The following CCDC102B variants were observed in gnomAD, a reference collection of about 807,000 sequenced individuals.
The protein encoded by CCDC102B is coiled-coil domain-containing protein 102B.
A neutral mutation model predicts 57.4 loss-of-function variants in CCDC102B; 75 were observed. That is an observed-to-expected ratio of 1.31 (90% confidence interval 1.08 to 1.58). CCDC102B has a LOEUF of 1.58. CCDC102B is among the 40% of genes most tolerant of loss of function. CCDC102B has a pLI of 0.00. For missense variants in CCDC102B, 636 were observed against 582.6 expected, an observed-to-expected ratio of 1.09 and a Z score of -0.94; for synonymous variants, 206 against 201.9, an observed-to-expected ratio of 1.02 and a Z score of -0.17.
intron 2 of CCDC102B, among the ~76,000 whole-genome samples, chr18:68,735,624 G>A (rs1173476409): frequency 2.6e-5 from 4 of 152,144 alleles, no homozygotes; most frequent in Middle Eastern, 3.4e-3. Flanking sequence ...TGGCCCAAAG[G>A]CAAATCTGGC....
chr18:68,748,683 A>G (rs763408738), intron 2 of CCDC102B, among the ~76,000 whole-genome samples: 1 of 152,168 alleles, frequency 6.6e-6, no homozygotes, highest in Non-Finnish European at 1.5e-5. Context: ...CTGTTTTACA[A>G]GCTATTTAAT....
chr18:69,032,352 T>A (rs2052169472), intron 7 of CCDC102B, among the ~76,000 whole-genome samples: 1 of 152,196 alleles, frequency 6.6e-6, no homozygotes, highest in African/African-American at 2.4e-5. Flanking sequence ...CATGTGATGA[T>A]CAGATACAAG....
At chr18:68,724,826 GT>G (rs1239024822) in intron 2 of CCDC102B, among the ~76,000 whole-genome samples, 1 of 152,126 alleles carries the variant, frequency 6.6e-6, no homozygotes, top group Non-Finnish European at 1.5e-5. Context: ...CTGTTACCCA[GT>G]TCCAATGTCG....
intron 6 of CCDC102B, among the ~76,000 whole-genome samples, chr18:68,950,963 A>T (rs1042850366): frequency 9.2e-5 from 14 of 152,190 alleles, no homozygotes; most frequent in African/African-American, 3.4e-4. Context: ...ATCATCATAA[A>T]GTGAAGATTC....
intron 6 of CCDC102B, among the ~76,000 whole-genome samples, chr18:68,964,098 T>A (rs1234082671): frequency 6.6e-6 from 1 of 151,946 alleles, no homozygotes; most frequent in Non-Finnish European, 1.5e-5. Context: ...ACTTATTACA[T>A]AACCACAAAT....
intron 2 of CCDC102B, among the ~76,000 whole-genome samples, chr18:68,781,608 A>C (rs2035010449): frequency 6.6e-6 from 1 of 152,182 alleles, no homozygotes; most frequent in Non-Finnish European, 1.5e-5. Flanking sequence ...TCTTAAACAA[A>C]AGTTCTCCAT....
intron 2 of CCDC102B, among the ~76,000 whole-genome samples, chr18:68,790,938 AT>A (rs1446216405): frequency 6.6e-6 from 1 of 152,248 alleles, no homozygotes; most frequent in Non-Finnish European, 1.5e-5. Context: ...AGGAAATGAC[AT>A]TTTTTGAATT....
rs147698532 is a variant in CCDC102B at position 68,942,736 on chromosome 18, A to T, written c.1263+45308A>T. ...GAGACATTCCATTGCCCAGTCGACA[A>T]GCAGGAGACAGATGCCTTCCTCTTA... is the stretch of plus-strand genomic sequence containing the variant. On this transcript the variant is annotated intron_variant, in intron 6 of 7. Coordinates refer to ENST00000360242, the MANE Select transcript of CCDC102B (RefSeq NM_024781.3). 2.0e-3 allele frequency among the ~76,000 whole-genome samples: 299 copies of T among 152,084 alleles called. 1 individual carries two copies. Among genetic ancestry groups the T allele is most frequent in the African/African-American group, 7.0e-3 (289 of 41,514 alleles).
chr18:68,736,751 C>T (rs1339451345), intron 2 of CCDC102B, among the ~76,000 whole-genome samples: 4 of 152,036 alleles, frequency 2.6e-5, no homozygotes, highest in Non-Finnish European at 4.4e-5. Flanking sequence ...TAGAATAGCA[C>T]GGGAAAGACC....
At chr18:68,960,436 G>A (rs1231395463) in intron 6 of CCDC102B, among the ~76,000 whole-genome samples, 2 of 152,148 alleles carry the variant, frequency 1.3e-5, no homozygotes, top group Non-Finnish European at 2.9e-5. Context: ...CAAGAGGGAA[G>A]GAGTGTCTCC....
At chr18:68,938,301 AGT>A (rs1187970692) in intron 6 of CCDC102B, among the ~76,000 whole-genome samples, 1 of 152,086 alleles carries the variant, frequency 6.6e-6, no homozygotes, top group East Asian at 1.9e-4. Context: ...ACATATTCAA[AGT>A]GTATTTTATA....
At chr18:69,021,141 C>T (rs541038763) in intron 7 of CCDC102B, among the ~76,000 whole-genome samples, 6 of 152,230 alleles carry the variant, frequency 3.9e-5, no homozygotes, top group African/African-American at 1.2e-4. Flanking sequence ...ATGTGAGAGA[C>T]GTTTTGTTTA....
At chr18:68,978,583 A>T (rs932681313) in intron 6 of CCDC102B, among the ~76,000 whole-genome samples, 1 of 152,032 alleles carries the variant, frequency 6.6e-6, no homozygotes, top group African/African-American at 2.4e-5. Context: ...AAAAGGAAAC[A>T]ATCGTAAACA....
intron 2 of CCDC102B, among the ~76,000 whole-genome samples, chr18:68,743,963 AT>A (rs1568228299): frequency 6.6e-6 from 1 of 152,124 alleles, no homozygotes; most frequent in Admixed American, 6.5e-5. Context: ...AGACATTTTT[AT>A]TTTGGATTTA....
At chr18:69,011,601 C>T (rs1299288751) in intron 7 of CCDC102B, among the ~76,000 whole-genome samples, 4 of 151,624 alleles carry the variant, frequency 2.6e-5, no homozygotes, top group African/African-American at 4.8e-5. Context: ...ATAGATATCT[C>T]GGTGTAATAT....
intron 2 of CCDC102B, among the ~76,000 whole-genome samples, chr18:68,717,096 T>C (rs79546616): frequency 6.7e-6 from 1 of 149,676 alleles, no homozygotes; most frequent in Non-Finnish European, 1.5e-5. Context: ...AAAAAAAAAT[T>C]AGCCAGATGT....
chr18:68,989,601 A>T lies in CCDC102B; in HGVS notation c.1264-21333A>T, dbSNP rs559112474. 7.9e-5 allele frequency among the ~76,000 whole-genome samples: 12 copies of T among 152,340 alleles called. No individual in the cohort carries two copies. The South Asian group carries it at 2.5e-3, about 32-fold the overall frequency. On this transcript the variant is annotated intron_variant, in intron 6 of 7. Coordinates refer to ENST00000360242, the MANE Select transcript of CCDC102B (RefSeq NM_024781.3). ...CATCAATTATCGGATTCCATCCCTC[A>T]TGAGCCTCAGGCAGGGGGCCTGCGG... is the stretch of plus-strand genomic sequence containing the variant.
At chr18:68,936,147 A>C (rs1413231713) in intron 6 of CCDC102B, among the ~76,000 whole-genome samples, 1 of 152,002 alleles carries the variant, frequency 6.6e-6, no homozygotes, top group Non-Finnish European at 1.5e-5. Flanking sequence ...AACAAAAATG[A>C]ATTTTGTGTT....
chr18:68,808,468 C>CGTTT (rs2036113998), intron 1 of CCDC102B, among the ~76,000 whole-genome samples: 5 of 91,784 alleles, frequency 5.4e-5, no homozygotes, highest in Admixed American at 1.6e-4. Context: ...GCTTTTACTA[C>CGTTT]TTTTTTTTTT....
Sources: gnomAD v4.1 joint callset for allele counts (sites outside exome capture counted in the v4.1 genomes callset) on GRCh38, gnomAD v4.1.1 for gene constraint, MANE v1.5 for transcripts, NCBI Gene and HGNC (gene_info 2026-07-23, HGNC 2026-07-21) for gene names.